The following SLC6A17 variants were observed in gnomAD, a reference collection of about 807,000 sequenced individuals.
The protein encoded by SLC6A17 is solute carrier family 6 member 17, also known as sodium-dependent neutral amino acid transporter SLC6A17.
Under a neutral mutation model 64.5 loss-of-function variants are expected in SLC6A17, and 21 were observed. The ratio of observed to expected loss-of-function variants is 0.33; its 90% CI spans 0.23 to 0.47. SLC6A17 has a LOEUF of 0.47. Ranked by LOEUF, SLC6A17 falls within the 20% of genes least tolerant of loss-of-function variation. The pLI is 1.00. For synonymous variants in SLC6A17, 372 were observed against 399.5 expected (o/e 0.93, Z 0.82); for missense variants, 682 against 963.2 (o/e 0.71, Z 3.86).
At chr1:110,166,809 C>A in intron 1 of SLC6A17, 34 bp from the exon 2 acceptor site, 1 of 1,320,826 alleles carries the variant, frequency 7.6e-7, no homozygotes, top group Non-Finnish European at 1.0e-6. Context: ...CTGGTGTGGT[C>A]AGATAATCCT....
Position 110,198,323 on chromosome 1 carries a change from T to G in SLC6A17, c.2063T>G (p.Met688Arg). 6.2e-7 allele frequency: 1 copy of G among 1,614,146 alleles called. No individual in the cohort carries two copies. Among genetic ancestry groups the G allele is most frequent in the Non-Finnish European group, 8.5e-7 (1 of 1,180,002 alleles). ...SKVPSEAPSP[M>R]PTHRSYLGPG... is the part of the protein sequence containing the mutation. Reference sequence around the variant, plus strand: ...GTGCCCAGTGAGGCACCTTCCCCCATGCCCACTCACCGTTCCTATCTGGGG... The same window carrying G: ...GTGCCCAGTGAGGCACCTTCCCCCAGGCCCACTCACCGTTCCTATCTGGGG... Residue 688 changes from methionine (M) to arginine (R), a missense_variant, in exon 12 of 12, where the codon ATG (methionine) becomes AGG (arginine). Around this residue, in one of 3 missense-constraint regions of SLC6A17, gnomAD observed 264 missense variants for 339.5 expected, o/e 0.78. Coordinates refer to ENST00000331565, the MANE Select transcript of SLC6A17 (RefSeq NM_001010898.4).
intron 6 of SLC6A17, among the ~76,000 whole-genome samples, chr1:110,186,514 T>C (rs1057445153): frequency 2.0e-5 from 3 of 151,398 alleles, no homozygotes; most frequent in Admixed American, 6.6e-5. Flanking sequence ...AATAGCCATG[T>C]TTTAGAAAGT....
At chr1:110,166,644 G>T (rs1488750109) in intron 1 of SLC6A17, among the ~76,000 whole-genome samples, 199 bp from the exon 2 acceptor site, 1 of 152,194 alleles carries the variant, frequency 6.6e-6, no homozygotes, top group Non-Finnish European at 1.5e-5. Flanking sequence ...CTCGGGTCAA[G>T]CCTCTGGAGA....
In SLC6A17 at chr1:110,200,750, T is replaced by A. The variant is rs1044405080; in HGVS notation, c.*2306T>A. ...CCTTTTGCTGTGTCTTCGCTGTGTG[T>A]TAGACGTAGGGCCTAGAGCTCGGGG... On this transcript the variant is annotated 3_prime_UTR_variant, in exon 12 of 12. Transcript: ENST00000331565. The A allele has an allele frequency of 6.6e-6, 1 of 152,580 alleles. No homozygotes were observed. Among genetic ancestry groups the A allele is most frequent in the Non-Finnish European group, 1.5e-5 (1 of 68,344 alleles). The allele number at this position is 152,580 out of a possible 1,614,324, so 9.5% of individuals were successfully genotyped here.
At chr1:110,180,004 T>C (rs935111758) in intron 6 of SLC6A17, among the ~76,000 whole-genome samples, 1 of 152,184 alleles carries the variant, frequency 6.6e-6, no homozygotes, top group Non-Finnish European at 1.5e-5. Flanking sequence ...TTTCAGCTAC[T>C]TGGGAGGCTG....
rs773098711 is a variant in SLC6A17 at position 110,198,509 on chromosome 1, C to T, written c.*65C>T. ...ACCTGCCCACTTGTCCAGGCCTGGCCTCTTTCTTGAGGTGGCCACCAGGCC... is the reference window on the plus strand; with the variant it reads ...ACCTGCCCACTTGTCCAGGCCTGGCTTCTTTCTTGAGGTGGCCACCAGGCC... On this transcript the variant is annotated 3_prime_UTR_variant, in exon 12 of 12. Transcript: ENST00000331565. The T allele has an allele frequency of 3.2e-6, 5 of 1,542,462 alleles. No homozygotes were observed. The highest frequency in any genetic ancestry group is 3.5e-6 in the Non-Finnish European group (4 of 1,147,024).
chr1:110,194,477 A>C, intron 8 of SLC6A17, 102 bp from the exon 9 acceptor site: 2 of 1,262,680 alleles, frequency 1.6e-6, no homozygotes, highest in Non-Finnish European at 2.2e-6. Context: ...CCTGTGAAAG[A>C]GGGAATAGTT....
intron 1 of SLC6A17, among the ~76,000 whole-genome samples, chr1:110,163,749 T>A (rs1373403747): frequency 2.6e-5 from 4 of 152,190 alleles, no homozygotes; most frequent in Non-Finnish European, 4.4e-5. Context: ...CCGCCTCTCA[T>A]TCTGCCCCGG....
intron 1 of SLC6A17, chr1:110,166,064 T>C (rs1009557557): frequency 6.6e-6 from 1 of 152,198 alleles, no homozygotes; most frequent in Non-Finnish European, 1.5e-5. Context: ...TTATCTGCTG[T>C]AAAACTGTCG....
intron 2 of SLC6A17, among the ~76,000 whole-genome samples, chr1:110,170,618 G>C (rs2101845776): frequency 6.6e-6 from 1 of 152,354 alleles, no homozygotes; most frequent in South Asian, 2.1e-4. Context: ...TAAGCATGTG[G>C]CCCTTTGGGC....
In SLC6A17 at chr1:110,192,289, G is replaced by A; in HGVS notation, c.1106+76G>A. On this transcript the variant is annotated intron_variant, in intron 7 of 11. Transcript: ENST00000331565. This position sits in a 1 kb window ranked among gnomAD's most constrained non-coding sequence, Gnocchi z 4.3. Reference sequence around the variant, plus strand: ...GGGAGTGGGCAGGGGTGGGGGCGCAGGTGTGCATGGGGAGAGAGGTCCCCT... The same window carrying A: ...GGGAGTGGGCAGGGGTGGGGGCGCAAGTGTGCATGGGGAGAGAGGTCCCCT... 1 of 1,554,716 alleles carries A rather than the reference G, an allele frequency of 6.4e-7. No homozygotes were observed. The highest frequency in any genetic ancestry group is 8.7e-7 in the Non-Finnish European group (1 of 1,146,692).
intron 6 of SLC6A17, among the ~76,000 whole-genome samples, chr1:110,186,601 A>G (rs1322495464): frequency 2.0e-5 from 3 of 152,232 alleles, no homozygotes; most frequent in Non-Finnish European, 4.4e-5. Context: ...ACAACTTTGT[A>G]GCCCCTTGTC....
At chr1:110,179,854 TGG>T (rs1234803256) in intron 6 of SLC6A17, among the ~76,000 whole-genome samples, 5 of 151,624 alleles carry the variant, frequency 3.3e-5, no homozygotes, top group Admixed American at 3.3e-4. Context: ...CGCCTGGCCT[TGG>T]GGTGCTTCTT....
At chr1:110,183,814 C>T (rs568970388) in intron 6 of SLC6A17, among the ~76,000 whole-genome samples, 88 of 152,060 alleles carry the variant, frequency 5.8e-4, no homozygotes, top group Middle Eastern at 6.8e-3. Context: ...TGTCATTTTT[C>T]GCAGTGAAGT....
rs144324482 is a variant in SLC6A17, at chr1:110,190,492, A to C, written c.865-1480A>C. ...TGTTGGAGTGCTGCCAGGAGTTGAG[A>C]CATGCCTAGGAAGCTGCTGAGATGA... On this transcript the variant is annotated intron_variant, in intron 6 of 11. Transcript: ENST00000331565. Among the ~76,000 whole-genome samples, 569 of 152,268 alleles carry C rather than the reference A, an allele frequency of 3.7e-3. 3 individuals are homozygous for C. The highest frequency in any genetic ancestry group is 0.013 in the African/African-American group (532 of 41,534).
intron 6 of SLC6A17, among the ~76,000 whole-genome samples, chr1:110,185,623 G>A (rs1006226094): frequency 6.6e-6 from 1 of 152,200 alleles, no homozygotes; most frequent in African/African-American, 2.4e-5. Flanking sequence ...AGGAGGGGGC[G>A]AGCCGCCTTT....
At chr1:110,173,897 TGGG>T in intron 3 of SLC6A17, 73 bp from the exon 4 acceptor site, 4 of 1,528,728 alleles carry the variant, frequency 2.6e-6, no homozygotes, top group Admixed American at 4.0e-5. Context: ...GCCGACGTGC[TGGG>T]CCTCGGGTGG....
chr1:110,151,257 CTG>C (rs573866966), intron 1 of SLC6A17, among the ~76,000 whole-genome samples: 75 of 152,328 alleles, frequency 4.9e-4, no homozygotes, highest in Middle Eastern at 6.8e-3. Flanking sequence ...CGGCTTGAAA[CTG>C]CGCGCCCAGG....
intron 1 of SLC6A17, among the ~76,000 whole-genome samples, chr1:110,160,313 C>T (rs551058378): frequency 6.6e-6 from 1 of 152,352 alleles, no homozygotes; most frequent in Admixed American, 6.5e-5. Context: ...TTTTACCCCG[C>T]CTCTTTGTTT....
Sources: gnomAD v4.1 joint callset for allele counts (sites outside exome capture counted in the v4.1 genomes callset) on GRCh38, gnomAD v4.1.1 for gene constraint, gnomAD v4.1.1 regional missense constraint, Gnocchi (gnomAD v3.1) non-coding constraint, MANE v1.5 for transcripts, NCBI Gene and HGNC (gene_info 2026-07-23, HGNC 2026-07-21) for gene names.